Variants in SCN4A observed in about 807,000 individuals in gnomAD.
SCN4A encodes the protein sodium channel protein type 4 subunit alpha.
A neutral mutation model predicts 162.0 loss-of-function variants in SCN4A; 83 were observed. The observed-to-expected ratio is 0.51, with a 90% CI of 0.43 to 0.61. The LOEUF (loss-of-function observed/expected upper bound fraction) is 0.61. Among genes scored for constraint, SCN4A ranks in the 20% least tolerant of loss-of-function variants. The probability of loss-of-function intolerance (pLI) is 0.00; values close to 1 mark genes in which losing one functional copy is unlikely to be tolerated. For synonymous variants in SCN4A, 944 were observed against 985.1 expected (o/e 0.96, Z 0.78); for missense variants, 2,196 against 2,462.5 (o/e 0.89, Z 2.29).
At chr17:63,961,170 T>C (rs1283381151) in intron 11 of SCN4A, 23 bp downstream of exon 11, 8 of 1,015,970 alleles carry the variant, frequency 7.9e-6, no homozygotes, top group Non-Finnish European at 8.9e-6. Context: ...CCATGAATGA[T>C]CCCCTCCCCC....
chr17:63,959,117 G>A, intron 12 of SCN4A, 148 bp downstream of exon 12: 1 of 624,020 alleles, frequency 1.6e-6, no homozygotes, highest in Non-Finnish European at 2.7e-6. Context: ...GAAAGGTTCT[G>A]AGAGGTAACA....
intron 18 of SCN4A, among the ~76,000 whole-genome samples, chr17:63,946,806 T>C (rs1217318134): frequency 6.6e-6 from 1 of 151,754 alleles, no homozygotes; most frequent in Non-Finnish European, 1.5e-5. Flanking sequence ...GTGGCAGAGG[T>C]AAGCTAAGGG....
chr17:63,963,509 C>T (rs1909332700), intron 10 of SCN4A, among the ~76,000 whole-genome samples, 163 bp downstream of exon 10: 1 of 152,226 alleles, frequency 6.6e-6, no homozygotes, highest in South Asian at 2.1e-4. Flanking sequence ...TATTAAGTTA[C>T]TGTCCTGAAG....
rs1402277830 is a variant in SCN4A at position 63,939,330 on chromosome 17, A to C, written c.*1441T>G. ...GGGACAGGCCTGCACAGTATGACAC[A>C]CCAGCCGTACTCCATGGACCTTGAA... On this transcript the variant is annotated 3_prime_UTR_variant, in exon 24 of 24. Transcript: ENST00000435607. 6.6e-6 allele frequency: 1 copy of C among 152,518 alleles called. No homozygotes were observed. The allele number at this position is 152,518 out of a possible 1,614,324, so 9.4% of individuals were successfully genotyped here.
chr17:63,967,517 A>T (rs1170350328), intron 6 of SCN4A, among the ~76,000 whole-genome samples: 2 of 152,150 alleles, frequency 1.3e-5, no homozygotes, highest in African/African-American at 4.8e-5. Context: ...AGGTATTGTT[A>T]TCTTGATTTT....
At chr17:63,957,567 C>CA in intron 12 of SCN4A, 49 bp from the exon 13 acceptor site, 1 of 1,311,456 alleles carries the variant, frequency 7.6e-7, no homozygotes, top group Non-Finnish European at 1.1e-6. Context: ...GACCACCACC[C>CA]AAGGCAGCCC....
intron 5 of SCN4A, 42 bp downstream of exon 5, chr17:63,971,120 G>A: frequency 1.5e-6 from 2 of 1,292,416 alleles, no homozygotes; most frequent in Non-Finnish European, 1.1e-6. Context: ...TGGTACGGGG[G>A]TCTCTCAGCT....
intron 13 of SCN4A, among the ~76,000 whole-genome samples, chr17:63,952,454 T>A (rs1908944242): frequency 6.6e-6 from 1 of 152,100 alleles, no homozygotes; most frequent in South Asian, 2.1e-4. Context: ...CCACGGTGCC[T>A]GGCCCATGAC....
At chr17:63,958,988 C>T (rs1011505526) in intron 12 of SCN4A, among the ~76,000 whole-genome samples, 3 of 152,196 alleles carry the variant, frequency 2.0e-5, no homozygotes, top group African/African-American at 7.2e-5. Context: ...GGAGTTCCTG[C>T]TCCACTGCTG....
rs1424993289 is a variant in SCN4A at position 63,943,866 on chromosome 17, G to A, written c.3913-16C>T. On this transcript the variant is annotated splice_polypyrimidine_tract_variant and intron_variant, in intron 21 of 23. Coordinates refer to ENST00000435607, the MANE Select transcript of SCN4A (RefSeq NM_000334.4). Reference sequence around the variant, plus strand: ...TCCCCCCTAAGTATAGTGGGATAGGGCTTGTCAGGTTGAGGTGCAGTTCCC... The same window carrying A: ...TCCCCCCTAAGTATAGTGGGATAGGACTTGTCAGGTTGAGGTGCAGTTCCC... 6.5e-7 allele frequency: 1 copy of A among 1,539,992 alleles called. No individual in the cohort carries two copies. Among genetic ancestry groups the A allele is most frequent in the Non-Finnish European group, 9.0e-7 (1 of 1,112,828 alleles).
intron 5 of SCN4A, among the ~76,000 whole-genome samples, chr17:63,970,952 A>C (rs1278461233): frequency 6.6e-6 from 1 of 152,148 alleles, no homozygotes; most frequent in Non-Finnish European, 1.5e-5. Flanking sequence ...GCTCTTAACC[A>C]ACTTGCCATG....
intron 11 of SCN4A, among the ~76,000 whole-genome samples, chr17:63,960,095 G>C (rs1010102539): frequency 3.9e-4 from 59 of 152,220 alleles, no homozygotes; most frequent in African/African-American, 1.3e-3. Flanking sequence ...TCTGAGGATT[G>C]CACAGTCCCT....
At chr17:63,942,136 C>A in intron 23 of SCN4A, 143 bp from the exon 24 acceptor site, 1 of 804,896 alleles carries the variant, frequency 1.2e-6, no homozygotes, top group Non-Finnish European at 1.9e-6. Context: ...ACAGGTGAGG[C>A]TGGGCTCTCC....
chr17:63,969,233 G>A lies in SCN4A; in HGVS notation c.704-878C>T, dbSNP rs1030808370. 1.8e-4 allele frequency among the ~76,000 whole-genome samples: 27 copies of A among 152,318 alleles called. 5 individuals carry two copies. The highest frequency in any genetic ancestry group is 6.5e-4 in the Admixed American group (10 of 15,292). The stretch of plus-strand genomic sequence containing the variant: ...AATGCCTAGTAGCACCCGAGGAACA[G>A]CAGAAGCTCTAGACTGAACTTGAAA... On this transcript the variant is annotated intron_variant, in intron 5 of 23. Transcript: ENST00000435607.
intron 13 of SCN4A, 45 bp downstream of exon 13, chr17:63,957,117 C>G: frequency 1.5e-6 from 2 of 1,317,398 alleles, no homozygotes; most frequent in Non-Finnish European, 2.1e-6. Flanking sequence ...ACATCTTGTA[C>G]GCTTCCCGGG....
chr17:63,960,209 C>T (rs1210512562), intron 11 of SCN4A, among the ~76,000 whole-genome samples: 1 of 152,242 alleles, frequency 6.6e-6, no homozygotes, highest in African/African-American at 2.4e-5. Context: ...TGTCCCTGGC[C>T]ACAGCAGGTG....
intron 6 of SCN4A, among the ~76,000 whole-genome samples, 186 bp from the exon 7 acceptor site, chr17:63,966,730 G>A (rs1242879839): frequency 6.6e-6 from 1 of 152,218 alleles, no homozygotes; most frequent in African/African-American, 2.4e-5. Context: ...GTAGGGACTC[G>A]GCAGGGAGCT....
chr17:63,945,021 C>T lies in SCN4A; in HGVS notation c.3760G>A (p.Val1254Met), dbSNP rs763136642. 2.5e-6 allele frequency: 4 copies of T among 1,613,728 alleles called. No homozygotes were observed. The highest frequency in any genetic ancestry group is 3.4e-6 in the Non-Finnish European group (4 of 1,179,800). ...CCCCGACTCACCTCCCGGGAGTCCA[C>T]GGCTGCATACATGATGTCCATCCAA... Reference protein sequence around the residue: ...KGWMDIMYAAVDSREKEEQPQ... With the variant: ...KGWMDIMYAAMDSREKEEQPQ... Residue 1254 changes from valine (V) to methionine (M), a missense_variant, in exon 20 of 24, where the codon GTG becomes ATG. Coordinates refer to ENST00000435607, the MANE Select transcript of SCN4A (RefSeq NM_000334.4). This position sits in a 1 kb window ranked among gnomAD's most constrained non-coding sequence, Gnocchi z 4.4.
At position 63,948,052 on chromosome 17, in the gene SCN4A, G is replaced by A. The variant is rs1198963342; in HGVS notation, c.3156C>T (p.Asp1052=). 6.2e-7 allele frequency: 1 copy of A among 1,601,090 alleles called. No homozygotes were observed. The highest frequency in any genetic ancestry group is 1.3e-5 in the African/African-American group (1 of 74,648). The change falls in exon 17 of 24, where the codon GAC becomes GAT. Residue 1052 remains aspartate (D), a synonymous_variant. Coordinates refer to ENST00000435607, the MANE Select transcript of SCN4A (RefSeq NM_000334.4). ...LLSSGALAFE[D]IYIEQRRVIR... is the part of the protein sequence containing the mutation. ...TGACTCGCCGCTGCTCAATGTAGAT[G>A]TCCTCGAAGGCCTGGGGGCACCAGC... is the stretch of plus-strand genomic sequence containing the variant.
Sources: allele counts gnomAD v4.1 joint callset (sites outside exome capture counted in the v4.1 genomes callset), GRCh38; gene constraint gnomAD v4.1.1; non-coding constraint Gnocchi (gnomAD v3.1); transcripts MANE v1.5; gene names NCBI Gene and HGNC (gene_info 2026-07-23, HGNC 2026-07-21).